FBXW8: variants seen among roughly 807,000 people sequenced by gnomAD.
FBXW8 encodes the protein F-box and WD repeat domain containing 8.
Under a neutral mutation model 65.3 loss-of-function variants are expected in FBXW8, and 57 were observed. That is an observed-to-expected ratio of 0.87 (90% CI 0.71 to 1.09). The LOEUF (loss-of-function observed/expected upper bound fraction) is 1.09. Ranked by LOEUF, FBXW8 falls within the 50% of genes least tolerant of loss-of-function variation. FBXW8 has a pLI of 0.00. For synonymous variants in FBXW8, 308 were observed against 330.2 expected, an observed-to-expected ratio of 0.93 and a Z score of 0.73; for missense variants, 777 against 814.8, an observed-to-expected ratio of 0.95 and a Z score of 0.57.
chr12:116,969,883 C>T (rs1266290667), intron 5 of FBXW8, among the ~76,000 whole-genome samples: 2 of 151,846 alleles, frequency 1.3e-5, no homozygotes, highest in Non-Finnish European at 2.9e-5. Flanking sequence ...GAATTCCAAC[C>T]CTCTGGCCTC....
intron 2 of FBXW8, among the ~76,000 whole-genome samples, chr12:116,944,168 C>G (rs1364056259): frequency 6.6e-6 from 1 of 152,186 alleles, no homozygotes; most frequent in Non-Finnish European, 1.5e-5. Context: ...ACTGTTCTTA[C>G]TGAGATTTAG....
In FBXW8 at chr12:116,966,377, C is replaced by T. The variant is rs970472776; in HGVS notation, c.835+1523C>T. On this transcript the variant is annotated intron_variant, in intron 5 of 10. Coordinates refer to ENST00000652555, the MANE Select transcript of FBXW8 (RefSeq NM_153348.3). ...AGCCTTTCCCTACCATTCACACACA[C>T]GAACATGCACACACATATTCTTCTA... Among the ~76,000 whole-genome samples, 5 of 152,166 alleles carry T rather than the reference C, an allele frequency of 3.3e-5. No homozygotes were observed. In the South Asian group the frequency reaches 6.2e-4, roughly 19 times the overall value.
At chr12:116,958,253 C>G (rs1352276321) in intron 4 of FBXW8, among the ~76,000 whole-genome samples, 1 of 152,142 alleles carries the variant, frequency 6.6e-6, no homozygotes, top group African/African-American at 2.4e-5. Flanking sequence ...ACAACCCCAT[C>G]GTGTTTCATA....
intron 5 of FBXW8, among the ~76,000 whole-genome samples, chr12:116,975,222 T>C: frequency 6.6e-6 from 1 of 152,226 alleles, no homozygotes; most frequent in East Asian, 1.9e-4. Context: ...TTAAAATCAA[T>C]GTGATGAATG....
chr12:116,935,923 T>A (rs1182062479), intron 2 of FBXW8, among the ~76,000 whole-genome samples: 1 of 152,262 alleles, frequency 6.6e-6, no homozygotes, highest in Non-Finnish European at 1.5e-5. Context: ...TTTTATCTCA[T>A]TTGGTTATTT....
chr12:116,920,127 C>T (rs895463198), intron 1 of FBXW8, among the ~76,000 whole-genome samples: 1 of 152,176 alleles, frequency 6.6e-6, no homozygotes, highest in Non-Finnish European at 1.5e-5. Flanking sequence ...TTAATTCTTC[C>T]GTGATTTCTC....
intron 5 of FBXW8, among the ~76,000 whole-genome samples, chr12:116,969,192 T>G (rs1884503978): frequency 6.6e-6 from 1 of 152,210 alleles, no homozygotes; most frequent in Non-Finnish European, 1.5e-5. Flanking sequence ...TATAAGTGCT[T>G]CCAAGGCTGC....
intron 8 of FBXW8, among the ~76,000 whole-genome samples, chr12:117,022,820 G>C (rs1402825822): frequency 6.6e-6 from 1 of 152,064 alleles, no homozygotes; most frequent in Non-Finnish European, 1.5e-5. Context: ...CATTAAAATT[G>C]CAACATCTTT....
At chr12:116,979,325 C>T (rs773960452) in intron 5 of FBXW8, 1 of 152,262 alleles carries the variant, frequency 6.6e-6, no homozygotes, top group Non-Finnish European at 1.5e-5. Context: ...GCATGGGTGC[C>T]CATCCACAGC....
At chr12:116,990,018 T>A (rs1462719051) in intron 7 of FBXW8, among the ~76,000 whole-genome samples, 1 of 152,230 alleles carries the variant, frequency 6.6e-6, no homozygotes, top group African/African-American at 2.4e-5. Context: ...TTCCAGCCTC[T>A]GGTGGTGCCT....
At chr12:117,005,178 G>A (rs1953645845) in intron 7 of FBXW8, among the ~76,000 whole-genome samples, 1 of 152,158 alleles carries the variant, frequency 6.6e-6, no homozygotes, top group South Asian at 2.1e-4. Context: ...CATACCAGCA[G>A]CAAGATCCAG....
At chr12:117,026,928 C>T (rs909924642) in intron 9 of FBXW8, among the ~76,000 whole-genome samples, 2 of 152,154 alleles carry the variant, frequency 1.3e-5, no homozygotes, top group Admixed American at 1.3e-4. Context: ...ACCCAGGGTA[C>T]GTGTGTCATT....
intron 8 of FBXW8, among the ~76,000 whole-genome samples, chr12:117,017,194 A>G (rs1953973305): frequency 6.6e-6 from 1 of 152,226 alleles, no homozygotes; most frequent in African/African-American, 2.4e-5. Flanking sequence ...ACTTGGGACC[A>G]TGTGCCCTTT....
chr12:117,028,355 C>A lies in FBXW8; in HGVS notation c.*183C>A. On this transcript the variant is annotated 3_prime_UTR_variant, in exon 11 of 11. Transcript: ENST00000652555. The surrounding 1 kb of genome is among the most constrained non-coding windows in gnomAD (Gnocchi z 4.1). ...TCCCCCAGCGCCTGGGGCAAGCTGG[C>A]GTGTGCCAGGGCTCGAGTCCCACGT... The A allele has an allele frequency of 1.4e-6, 1 of 730,858 alleles. No individual in the cohort carries two copies. Among genetic ancestry groups the A allele is most frequent in the Non-Finnish European group, 2.2e-6 (1 of 458,546 alleles). 45.3% of individuals were successfully genotyped at this position (730,858 alleles called of 1,614,324 possible).
intron 5 of FBXW8, among the ~76,000 whole-genome samples, chr12:116,982,477 CTG>C: frequency 6.6e-6 from 1 of 152,260 alleles, no homozygotes; most frequent in Middle Eastern, 3.4e-3. Context: ...TGTTGAAGAA[CTG>C]TGCACGTGAT....
chr12:116,926,652 T>A (rs768220269), intron 1 of FBXW8, among the ~76,000 whole-genome samples: 4 of 152,188 alleles, frequency 2.6e-5, no homozygotes, highest in Non-Finnish European at 5.9e-5. Context: ...TTTTTTCCTG[T>A]TTTTTTCTGT....
In FBXW8 at chr12:116,985,400, C is replaced by T. The variant is rs147289806; in HGVS notation, c.1030C>T (p.Leu344=). The change falls in exon 6 of 11, where the codon CTG becomes TTG. Residue 344 remains leucine, a splice_region_variant and synonymous_variant. Coordinates refer to ENST00000652555, the MANE Select transcript of FBXW8 (RefSeq NM_153348.3). The part of the protein sequence containing the change: ...QIAAEFEVPK[L]VQYLEIVPET... Reference sequence around the variant, plus strand: ...AGCTGCGGAATTTGAAGTTCCGAAACTGGTGAGCTTTTTAGTCTGGTCATC... The same window carrying T: ...AGCTGCGGAATTTGAAGTTCCGAAATTGGTGAGCTTTTTAGTCTGGTCATC... 657 of 1,611,500 alleles carry T rather than the reference C, an allele frequency of 4.1e-4. 6 individuals carry two copies. In the African/African-American group the frequency reaches 8.1e-3, roughly 20 times the overall value.
intron 5 of FBXW8, among the ~76,000 whole-genome samples, chr12:116,976,788 A>G (rs1014654032): frequency 4.6e-5 from 7 of 152,152 alleles, no homozygotes; most frequent in African/African-American, 9.7e-5. Flanking sequence ...ATTTACAAAC[A>G]TGCCAGATGT....
intron 7 of FBXW8, among the ~76,000 whole-genome samples, chr12:117,007,820 A>G (rs955497898): frequency 2.2e-4 from 33 of 152,160 alleles, no homozygotes; most frequent in Admixed American, 8.5e-4. Flanking sequence ...ATTAAAAGAG[A>G]GAGAGTGCGT....
Sources: allele counts gnomAD v4.1 joint callset (sites outside exome capture counted in the v4.1 genomes callset), GRCh38; gene constraint gnomAD v4.1.1; non-coding constraint Gnocchi (gnomAD v3.1); transcripts MANE v1.5; gene names NCBI Gene and HGNC (gene_info 2026-07-23, HGNC 2026-07-21).